CLCN3: variants seen among roughly 807,000 people sequenced by gnomAD.
CLCN3 encodes Cl-/H+ antiporter 3.
CLCN3 carries 16 observed loss-of-function variants against 83.4 expected under a neutral mutation model. The observed-to-expected ratio is 0.19, with a 90% confidence interval of 0.13 to 0.29. The LOEUF (loss-of-function observed/expected upper bound fraction) is 0.29. CLCN3 is among the 10% of genes least tolerant of loss of function. The pLI, the probability that CLCN3 is intolerant of heterozygous loss-of-function variation, is 1.00. For synonymous variants in CLCN3, 322 were observed against 346.2 expected (o/e 0.93, Z 0.78); for missense variants, 544 against 1,006.0 (o/e 0.54, Z 6.21).
chr4:169,715,041 C>T (rs1733372589), intron 12 of CLCN3, among the ~76,000 whole-genome samples: 1 of 152,044 alleles, frequency 6.6e-6, no homozygotes, highest in Admixed American at 6.6e-5. Flanking sequence ...TTGTTACAAA[C>T]TATTATTTGC....
intron 2 of CLCN3, among the ~76,000 whole-genome samples, chr4:169,662,127 C>T (rs2150220701): frequency 6.6e-6 from 1 of 152,170 alleles, no homozygotes; most frequent in Admixed American, 6.5e-5. Flanking sequence ...TAAGTCAAAA[C>T]TTATGTGAGA....
chr4:169,655,858 T>A (rs1388988155), intron 2 of CLCN3, among the ~76,000 whole-genome samples: 1 of 152,218 alleles, frequency 6.6e-6, no homozygotes, highest in Non-Finnish European at 1.5e-5. Flanking sequence ...TCCTGTGATA[T>A]GTTATTTGGG....
intron 2 of CLCN3, among the ~76,000 whole-genome samples, chr4:169,679,490 G>A (rs1731839729): frequency 6.6e-6 from 1 of 152,180 alleles, no homozygotes; most frequent in Non-Finnish European, 1.5e-5. Context: ...AGACGGGGTG[G>A]CGGCCGGGCA....
intron 2 of CLCN3, among the ~76,000 whole-genome samples, chr4:169,660,670 G>T (rs1006401493): frequency 5.9e-5 from 9 of 152,088 alleles, no homozygotes; most frequent in Non-Finnish European, 8.8e-5. Flanking sequence ...GATCACGTCG[G>T]GCTCCGACTC....
At chr4:169,717,430 A>T (rs1733467571) in intron 12 of CLCN3, among the ~76,000 whole-genome samples, 1 of 152,188 alleles carries the variant, frequency 6.6e-6, no homozygotes, top group Non-Finnish European at 1.5e-5. Context: ...CCTCTGAGGA[A>T]AGAACATTGT....
chr4:169,633,117 A>T (rs1773420732), intron 1 of CLCN3, among the ~76,000 whole-genome samples: 1 of 152,030 alleles, frequency 6.6e-6, no homozygotes, highest in Admixed American at 6.6e-5. Context: ...GGCTCAAGCG[A>T]TTTTCATGCC....
At chr4:169,654,092 G>C (rs7690784) in intron 2 of CLCN3, among the ~76,000 whole-genome samples, 16,196 of 152,082 alleles carry the variant, frequency 0.11, 989 homozygotes, top group East Asian at 0.18. Flanking sequence ...TATATGAAGG[G>C]CTCATTATAT....
At chr4:169,672,285 G>A (rs1045950505) in intron 2 of CLCN3, among the ~76,000 whole-genome samples, 3 of 146,396 alleles carry the variant, frequency 2.0e-5, no homozygotes, top group East Asian at 4.1e-4. Flanking sequence ...GACTACAGAC[G>A]TGCACCACCA....
At chr4:169,675,477 A>G (rs1430364386) in intron 2 of CLCN3, among the ~76,000 whole-genome samples, 1 of 152,240 alleles carries the variant, frequency 6.6e-6, no homozygotes, top group Non-Finnish European at 1.5e-5. Context: ...GTCCTATAAT[A>G]AAATAAACAT....
chr4:169,678,467 G>A (rs1343326075), intron 2 of CLCN3, among the ~76,000 whole-genome samples: 2 of 152,020 alleles, frequency 1.3e-5, no homozygotes. Flanking sequence ...TTCTCGGAGA[G>A]GGGGATTTGG....
intron 2 of CLCN3, among the ~76,000 whole-genome samples, chr4:169,656,066 CTTTT>C (rs376782821): frequency 6.9e-6 from 1 of 145,862 alleles, no homozygotes; most frequent in African/African-American, 2.5e-5. Flanking sequence ...TTTGCTGTAT[CTTTT>C]TTTTTTTTCT....
chr4:169,644,234 T>C (rs76425198), intron 2 of CLCN3, among the ~76,000 whole-genome samples: 2 of 152,108 alleles, frequency 1.3e-5, no homozygotes, highest in African/African-American at 4.8e-5. Flanking sequence ...TGCAAATTCA[T>C]GTTGATGAAA....
intron 3 of CLCN3, among the ~76,000 whole-genome samples, chr4:169,682,955 G>A (rs997256880): frequency 2.6e-5 from 4 of 152,042 alleles, no homozygotes; most frequent in Non-Finnish European, 5.9e-5. Context: ...AAAAGGTCTC[G>A]GGGATCCTCC....
chr4:169,677,432 G>A (rs188971835), intron 2 of CLCN3, among the ~76,000 whole-genome samples: 1 of 152,278 alleles, frequency 6.6e-6, no homozygotes, highest in African/African-American at 2.4e-5. Context: ...GAATTGAGTT[G>A]TTGCAACTGT....
chr4:169,664,495 CTTA>C (rs1334017422), intron 2 of CLCN3, among the ~76,000 whole-genome samples: 1 of 151,998 alleles, frequency 6.6e-6, no homozygotes, highest in African/African-American at 2.4e-5. Flanking sequence ...GATTCAGATA[CTTA>C]TTATATTTTT....
intron 3 of CLCN3, among the ~76,000 whole-genome samples, chr4:169,681,435 A>G (rs1234597090): frequency 6.6e-6 from 1 of 152,240 alleles, no homozygotes; most frequent in Non-Finnish European, 1.5e-5. Context: ...ATATTAATAT[A>G]TATGTGTGTG....
At chr4:169,660,307 T>C in intron 2 of CLCN3, 17 of 1,350,626 alleles carry the variant, frequency 1.3e-5, no homozygotes, top group Non-Finnish European at 1.6e-5. Flanking sequence ...GAAATGTCAC[T>C]TTCTTTTTAA....
intron 9 of CLCN3, among the ~76,000 whole-genome samples, chr4:169,700,527 G>A (rs1364385539): frequency 4.6e-5 from 7 of 152,154 alleles, no homozygotes; most frequent in Non-Finnish European, 7.4e-5. Context: ...CTCCCAGAGT[G>A]CTAGGATTAT....
chr4:169,667,382 G>A (rs1486750362), intron 2 of CLCN3, among the ~76,000 whole-genome samples: 2 of 151,694 alleles, frequency 1.3e-5, no homozygotes, highest in African/African-American at 4.8e-5. Context: ...GTAAATTTAA[G>A]TCTTTATGTT....
Sources: gnomAD v4.1 joint callset for allele counts (sites outside exome capture counted in the v4.1 genomes callset) on GRCh38, gnomAD v4.1.1 for gene constraint, MANE v1.5 for transcripts, NCBI Gene and HGNC (gene_info 2026-07-23, HGNC 2026-07-21) for gene names.